COL9A1: variants seen among roughly 807,000 people sequenced by gnomAD.
COL9A1 encodes collagen type IX alpha 1 chain.
COL9A1 carries 104 observed loss-of-function variants against 142.6 expected under a neutral mutation model. The observed-to-expected ratio is 0.73, with a 90% CI of 0.62 to 0.86. The LOEUF (loss-of-function observed/expected upper bound fraction) is 0.86. Ranked by LOEUF, COL9A1 falls within the 40% of genes least tolerant of loss-of-function variation. The pLI, the probability that COL9A1 is intolerant of heterozygous loss-of-function variation, is 0.00. For missense variants in COL9A1, 1,210 were observed against 1,176.6 expected, an observed-to-expected ratio of 1.03 and a Z score of -0.42; for synonymous variants, 466 against 396.0, an observed-to-expected ratio of 1.18 and a Z score of -2.10.
Position 70,227,208 on chromosome 6 carries a change from A to G in COL9A1, c.2504-1199T>C, listed in dbSNP as rs532555003. Among the ~76,000 whole-genome samples, 35 of 152,194 alleles carry G rather than the reference A, an allele frequency of 2.3e-4. No individual in the cohort carries two copies. The South Asian group carries it at 7.3e-3, about 32-fold the overall frequency. ...ATTTTACTGTAAGTTAAGAATCAAA[A>G]GAAAACAAGGGAGAATTATGACCTC... On this transcript the variant is annotated intron_variant, in intron 36 of 37. Transcript: ENST00000357250.
At chr6:70,221,844 A>G (rs1041156269) in intron 37 of COL9A1, among the ~76,000 whole-genome samples, 1 of 152,162 alleles carries the variant, frequency 6.6e-6, no homozygotes. Context: ...AGAGTCTTTG[A>G]GACAACCGAC....
chr6:70,279,903 A>C (rs1428276700), intron 10 of COL9A1: 5 of 535,038 alleles, frequency 9.3e-6, no homozygotes, highest in Non-Finnish European at 1.7e-5. Flanking sequence ...TTTGGAAAAC[A>C]CATAAAGTGG....
intron 35 of COL9A1, among the ~76,000 whole-genome samples, chr6:70,234,157 T>C (rs998313345): frequency 6.6e-6 from 1 of 152,102 alleles, no homozygotes; most frequent in African/African-American, 2.4e-5. Context: ...AAAGCCTAGG[T>C]CAGTGCTAGG....
At chr6:70,280,020 G>A in intron 10 of COL9A1, 3 of 695,744 alleles carry the variant, frequency 4.3e-6, no homozygotes, top group Non-Finnish European at 8.0e-6. Context: ...GGTCTGTAGT[G>A]GGTCATTATT....
chr6:70,218,449 C>T (rs570029367), intron 37 of COL9A1, among the ~76,000 whole-genome samples: 5 of 152,274 alleles, frequency 3.3e-5, no homozygotes, highest in Non-Finnish European at 7.4e-5. Flanking sequence ...ATGTTTACCC[C>T]AGTGCACTAG....
At chr6:70,217,155 A>C in intron 37 of COL9A1, 74 bp from the exon 38 acceptor site, 5 of 1,472,010 alleles carry the variant, frequency 3.4e-6, no homozygotes, top group Non-Finnish European at 4.7e-6. Flanking sequence ...GGCATGGCTC[A>C]GCAGCGCTCA....
chr6:70,253,479 C>A, intron 25 of COL9A1, 50 bp from the exon 26 acceptor site: 1 of 1,318,934 alleles, frequency 7.6e-7, no homozygotes, highest in South Asian at 1.2e-5. Flanking sequence ...TCTGAGAATC[C>A]ATGAGATGCC....
intron 30 of COL9A1, among the ~76,000 whole-genome samples, chr6:70,241,697 G>C (rs921211285): frequency 6.6e-6 from 1 of 152,174 alleles, no homozygotes; most frequent in African/African-American, 2.4e-5. Flanking sequence ...AATTTGACTA[G>C]TAGAAATGTA....
rs189319812 is a variant in COL9A1 at position 70,292,523 on chromosome 6, A to G, written c.696+1644T>C. On this transcript the variant is annotated intron_variant, in intron 5 of 37. Coordinates refer to ENST00000357250, the MANE Select transcript of COL9A1 (RefSeq NM_001851.6). Reference sequence around the variant, plus strand: ...GAATAGAGTTGGCAGAAAAATCTACAATCAGCTCTGACATTATTGGCAAGG... The same window carrying G: ...GAATAGAGTTGGCAGAAAAATCTACGATCAGCTCTGACATTATTGGCAAGG... Among the ~76,000 whole-genome samples the G allele has an allele frequency of 2.0e-3, 312 of 152,290 alleles. 1 individual carries two copies. The highest frequency in any genetic ancestry group is 0.012 in the South Asian group (60 of 4,826).
chr6:70,289,187 A>G (rs1434179898), intron 5 of COL9A1, among the ~76,000 whole-genome samples: 1 of 152,136 alleles, frequency 6.6e-6, no homozygotes, highest in Non-Finnish European at 1.5e-5. Flanking sequence ...TACTGACACC[A>G]CACTGGAACC....
At chr6:70,256,641 C>A in intron 21 of COL9A1, 127 bp downstream of exon 21, 5 of 634,314 alleles carry the variant, frequency 7.9e-6, no homozygotes, top group Non-Finnish European at 1.1e-5. Flanking sequence ...TAAATTTAAA[C>A]ATATATATAT....
At chr6:70,260,038 C>T (rs1174146674) in intron 20 of COL9A1, among the ~76,000 whole-genome samples, 7 of 152,084 alleles carry the variant, frequency 4.6e-5, no homozygotes, top group African/African-American at 1.4e-4. Flanking sequence ...TGACCAGAAG[C>T]GCTCCAGGCA....
downstream of COL9A1, chr6:70,215,667 A>G (rs1768456284): frequency 6.6e-6 from 1 of 152,238 alleles, no homozygotes; most frequent in Admixed American, 6.5e-5. Context: ...CTGCATTTAT[A>G]AAATTTACAA....
intron 36 of COL9A1, among the ~76,000 whole-genome samples, chr6:70,229,343 A>T (rs983623958): frequency 3.3e-5 from 5 of 152,138 alleles, no homozygotes; most frequent in Admixed American, 2.0e-4. Flanking sequence ...TAGCCTCCTC[A>T]GTCAAAAAAT....
chr6:70,287,761 A>G (rs1003945210), intron 5 of COL9A1, among the ~76,000 whole-genome samples: 3 of 152,176 alleles, frequency 2.0e-5, no homozygotes, highest in Non-Finnish European at 2.9e-5. Context: ...TCTACAGCAT[A>G]TGAGTCAGTT....
At position 70,302,891 on chromosome 6, in the gene COL9A1, T is replaced by C; in HGVS notation, c.14+20A>G. The C allele has an allele frequency of 1.2e-6, 2 of 1,613,932 alleles. No homozygotes were observed. ...CCCAGCTCCATCTCCCCACCACTCT[T>C]TCCAGGGTTATTGTCTTACCAGCAG... On this transcript the variant is annotated intron_variant, in intron 1 of 37. Transcript: ENST00000357250.
chr6:70,265,659 T>C (rs1288811262), intron 18 of COL9A1, among the ~76,000 whole-genome samples: 1 of 152,102 alleles, frequency 6.6e-6, no homozygotes, highest in East Asian at 1.9e-4. Context: ...GTTTTTTTCC[T>C]ATTTTCTCCA....
At chr6:70,227,096 T>C (rs1172309816) in intron 36 of COL9A1, among the ~76,000 whole-genome samples, 2 of 152,032 alleles carry the variant, frequency 1.3e-5, no homozygotes, top group Non-Finnish European at 1.5e-5. Flanking sequence ...GTAAATGGTA[T>C]TGGAAGAAGT....
At chr6:70,300,616 G>C (rs763448620) in intron 2 of COL9A1, among the ~76,000 whole-genome samples, 7 of 152,016 alleles carry the variant, frequency 4.6e-5, no homozygotes, top group Non-Finnish European at 8.8e-5. Context: ...ATGCCTCTAC[G>C]ATTATAATCT....
Sources: allele counts gnomAD v4.1 joint callset (sites outside exome capture counted in the v4.1 genomes callset), GRCh38; gene constraint gnomAD v4.1.1; transcripts MANE v1.5; gene names NCBI Gene and HGNC (gene_info 2026-07-23, HGNC 2026-07-21).